RPAP2: variants seen among roughly 807,000 people sequenced by gnomAD.
RPAP2 encodes the protein putative RNA polymerase II subunit B1 CTD phosphatase RPAP2.
In RPAP2, 52 loss-of-function variants were observed where a neutral mutation model predicts 73.1. That is an observed-to-expected ratio of 0.71 (90% CI 0.57 to 0.90). The LOEUF (loss-of-function observed/expected upper bound fraction) is 0.90, where lower values mean the gene tolerates loss of function less well. Ranked by LOEUF, RPAP2 falls within the 40% of genes least tolerant of loss-of-function variation. RPAP2 has a pLI of 0.00. For synonymous variants in RPAP2, 225 were observed against 242.1 expected (o/e 0.93, Z 0.65); for missense variants, 598 against 701.8 (o/e 0.85, Z 1.67).
At chr1:92,334,741 C>G (rs911416086) in intron 9 of RPAP2, among the ~76,000 whole-genome samples, 1 of 152,188 alleles carries the variant, frequency 6.6e-6, no homozygotes, top group South Asian at 2.1e-4. Context: ...AATCCCAGCA[C>G]TTTGGGAGTC....
intron 11 of RPAP2, among the ~76,000 whole-genome samples, chr1:92,369,669 T>C (rs1655067137): frequency 6.6e-6 from 1 of 152,062 alleles, no homozygotes; most frequent in Admixed American, 6.6e-5. Flanking sequence ...GTCCCTTTCA[T>C]TGTGTATTGG....
chr1:92,333,432 C>A lies in RPAP2; in HGVS notation c.1497C>A (p.Asn499Lys). 1 of 1,613,584 alleles carries A rather than the reference C, an allele frequency of 6.2e-7. No individual in the cohort carries two copies. The highest frequency in any genetic ancestry group is 1.1e-5 in the South Asian group (1 of 91,046). The change falls in exon 9 of 13, where the codon AAC (asparagine) becomes AAA (lysine). Residue 499 changes from asparagine (N) to lysine (K), a missense_variant. Coordinates refer to ENST00000610020, the MANE Select transcript of RPAP2 (RefSeq NM_024813.3). ...TFPLIDSSSQNQIRKRIVLEK... is the reference protein window; with the variant it reads ...TFPLIDSSSQKQIRKRIVLEK... ...CACTGATAGACTCAAGTTCCCAGAA[C>A]CAGATTAGAAAACGCATCGTACTTG...
chr1:92,318,519 C>T (rs938743898), intron 6 of RPAP2, among the ~76,000 whole-genome samples: 2 of 152,078 alleles, frequency 1.3e-5, no homozygotes, highest in African/African-American at 4.8e-5. Context: ...ATAGAATAGA[C>T]CTTTTCTACT....
At chr1:92,341,143 G>A (rs1057310859) in intron 10 of RPAP2, among the ~76,000 whole-genome samples, 1 of 151,892 alleles carries the variant, frequency 6.6e-6, no homozygotes, top group Non-Finnish European at 1.5e-5. Flanking sequence ...TGAGTAGCTG[G>A]GACTACAGAC....
In RPAP2 at chr1:92,373,792, G is replaced by A. The variant is rs185509690; in HGVS notation, c.1689-6932G>A. 9.9e-5 allele frequency among the ~76,000 whole-genome samples: 14 copies of A among 140,826 alleles called. No homozygotes were observed. In the East Asian group the frequency reaches 1.4e-3, roughly 14 times the overall value. The allele number at this position is 140,826 out of a possible 152,430, so 92.4% of individuals were successfully genotyped here. ...AAAAGTAGCCAGGCGTGGTGGTGGC[G>A]CACCTGTAATCCCAGCTACTCGGGA... is the stretch of plus-strand genomic sequence containing the variant. On this transcript the variant is annotated intron_variant, in intron 11 of 12. Transcript: ENST00000610020.
intron 5 of RPAP2, among the ~76,000 whole-genome samples, chr1:92,306,826 A>G (rs1335144776): frequency 2.6e-5 from 4 of 152,196 alleles, no homozygotes; most frequent in Non-Finnish European, 5.9e-5. Flanking sequence ...TAATAAGTGA[A>G]TGAAGTAAGA....
intron 11 of RPAP2, among the ~76,000 whole-genome samples, chr1:92,348,807 AT>A (rs1162285181): frequency 9.2e-5 from 14 of 152,218 alleles, no homozygotes; most frequent in Admixed American, 7.9e-4. Flanking sequence ...TTATACTTTA[AT>A]GTGTATTTCC....
Position 92,304,055 on chromosome 1 carries a change from T to C in RPAP2, c.313T>C (p.Cys105Arg). 2.5e-6 allele frequency: 4 copies of C among 1,611,444 alleles called. No individual in the cohort carries two copies. The highest frequency in any genetic ancestry group is 3.4e-6 in the Non-Finnish European group (4 of 1,178,726). Reference sequence around the variant, plus strand: ...TGTCAAACTCTGTGGTTATCCTTTATGTCAGAAGAAGCTGGGAATTGTAAG... The same window carrying C: ...TGTCAAACTCTGTGGTTATCCTTTACGTCAGAAGAAGCTGGGAATTGTAAG... Reference protein sequence around the residue: ...SIVKLCGYPLCQKKLGIVPKQ... With the variant: ...SIVKLCGYPLRQKKLGIVPKQ... Residue 105 changes from cysteine (C) to arginine (R), a missense_variant, in exon 4 of 13, where the codon TGT (cysteine) becomes CGT (arginine). Cys to Arg is a radical substitution (Grantham distance 180). Around this residue, in one of 3 missense-constraint regions of RPAP2, gnomAD observed 506 missense variants for 612.8 expected, o/e 0.83. Coordinates refer to ENST00000610020, the MANE Select transcript of RPAP2 (RefSeq NM_024813.3).
chr1:92,311,773 T>TA (rs1483408978), intron 6 of RPAP2, among the ~76,000 whole-genome samples: 1 of 152,238 alleles, frequency 6.6e-6, no homozygotes, highest in Non-Finnish European at 1.5e-5. Context: ...ATGCAAAAGT[T>TA]ATGTTTCCAC....
intron 11 of RPAP2, among the ~76,000 whole-genome samples, chr1:92,360,312 A>G (rs1011056717): frequency 6.6e-6 from 1 of 152,226 alleles, no homozygotes; most frequent in African/African-American, 2.4e-5. Context: ...GTAACCTTCA[A>G]GAAAGCAGTT....
chr1:92,329,450 C>T (rs572630272), intron 8 of RPAP2, among the ~76,000 whole-genome samples: 38 of 152,066 alleles, frequency 2.5e-4, no homozygotes, highest in Non-Finnish European at 4.1e-4. Flanking sequence ...TCCCACCGTG[C>T]CCCCACAACA....
intron 11 of RPAP2, among the ~76,000 whole-genome samples, chr1:92,368,776 A>G (rs1439243732): frequency 6.6e-6 from 1 of 152,230 alleles, no homozygotes; most frequent in East Asian, 1.9e-4. Context: ...CCTGATTTAC[A>G]TTCTTTCCTT....
chr1:92,324,597 A>G (rs1391445122), intron 8 of RPAP2, among the ~76,000 whole-genome samples: 1 of 152,212 alleles, frequency 6.6e-6, no homozygotes, highest in Non-Finnish European at 1.5e-5. Context: ...TCAGTGTGCA[A>G]TATTTTTTTC....
chr1:92,382,605 T>G (rs1288451001), intron 12 of RPAP2, among the ~76,000 whole-genome samples: 2 of 152,238 alleles, frequency 1.3e-5, no homozygotes. Context: ...TCACCCACTT[T>G]TTGATGGGGT....
chr1:92,382,565 C>T (rs960266509), intron 12 of RPAP2, among the ~76,000 whole-genome samples: 2 of 152,160 alleles, frequency 1.3e-5, no homozygotes, highest in African/African-American at 4.8e-5. Flanking sequence ...GCATAAATGT[C>T]TTCTTTTGAG....
Position 92,385,829 on chromosome 1 carries a change from G to C in RPAP2, c.*-1182G>C, listed in dbSNP as rs113118183. Among the ~76,000 whole-genome samples the C allele has an allele frequency of 6.4e-4, 97 of 152,298 alleles. 4 individuals are homozygous for C. The South Asian group carries it at 7.5e-3, about 12-fold the overall frequency. ...CAGTTTCTGTGAGTCAGGAATCTAG[G>C]TGCAGTTGAACTGGGAGCCTCTGGC... is the stretch of plus-strand genomic sequence containing the variant. On this transcript the variant is annotated intron_variant, in intron 12 of 12. Coordinates refer to ENST00000610020, the MANE Select transcript of RPAP2 (RefSeq NM_024813.3).
At chr1:92,305,432 CAAAAAAAAAA>C (rs71091273) in intron 5 of RPAP2, among the ~76,000 whole-genome samples, 2 of 52,690 alleles carry the variant, frequency 3.8e-5, no homozygotes, top group East Asian at 1.4e-3. Flanking sequence ...GGCTCCGTCT[CAAAAAAAAAA>C]AAAAAAAAAG....
At chr1:92,362,945 A>G (rs1362444095) in intron 11 of RPAP2, among the ~76,000 whole-genome samples, 1 of 152,200 alleles carries the variant, frequency 6.6e-6, no homozygotes, top group African/African-American at 2.4e-5. Context: ...TCCAAAATCA[A>G]TCAAGTTCCC....
Position 92,348,347 on chromosome 1 carries a change from T to G in RPAP2, c.1688+2433T>G, listed in dbSNP as rs1477229485. Among the ~76,000 whole-genome samples the G allele has an allele frequency of 2.0e-5, 3 of 152,266 alleles. No homozygotes were observed. In the East Asian group the frequency reaches 5.8e-4, roughly 29 times the overall value. ...ACTGGACAACTAAAATCTTCCCCAG[T>G]TAGGGGAAACCCTTTTAGCTTCTTT... On this transcript the variant is annotated intron_variant, in intron 11 of 12. Coordinates refer to ENST00000610020, the MANE Select transcript of RPAP2 (RefSeq NM_024813.3).
Sources: gnomAD v4.1 joint callset for allele counts (sites outside exome capture counted in the v4.1 genomes callset) on GRCh38, gnomAD v4.1.1 for gene constraint, gnomAD v4.1.1 regional missense constraint, MANE v1.5 for transcripts, NCBI Gene and HGNC (gene_info 2026-07-23, HGNC 2026-07-21) for gene names.